The following CACNA2D3 variants were observed in gnomAD, a reference collection of about 807,000 sequenced individuals.
The protein encoded by CACNA2D3 is voltage-dependent calcium channel subunit alpha-2/delta-3.
In CACNA2D3, 60 loss-of-function variants were observed where a neutral mutation model predicts 160.6. The ratio of observed to expected loss-of-function variants is 0.37; its 90% CI spans 0.30 to 0.46. CACNA2D3 has a LOEUF of 0.46. CACNA2D3 is among the 20% of genes least tolerant of loss of function. CACNA2D3 has a pLI of 1.00. For missense variants in CACNA2D3, 1,205 were observed against 1,365.0 expected (o/e 0.88, Z 1.85); for synonymous variants, 558 against 492.9 (o/e 1.13, Z -1.75).
chr3:54,936,774 TTCA>T (rs1362134153), intron 27 of CACNA2D3, among the ~76,000 whole-genome samples: 2 of 152,144 alleles, frequency 1.3e-5, no homozygotes, highest in African/African-American at 2.4e-5. Context: ...CTGCTTAGCT[TTCA>T]TCATGAAGCA....
intron 11 of CACNA2D3, among the ~76,000 whole-genome samples, chr3:54,657,031 T>G (rs771697154): frequency 1.5e-4 from 22 of 142,572 alleles, no homozygotes; most frequent in Non-Finnish European, 7.5e-5. Flanking sequence ...GGCTGTTTTA[T>G]AGGATTTGGG....
chr3:54,407,237 G>A (rs1188975541), intron 4 of CACNA2D3, among the ~76,000 whole-genome samples: 1 of 152,130 alleles, frequency 6.6e-6, no homozygotes, highest in Non-Finnish European at 1.5e-5. Flanking sequence ...CCCAGAATCA[G>A]AATTGGTGTT....
At chr3:54,645,810 C>T (rs560605053) in intron 11 of CACNA2D3, among the ~76,000 whole-genome samples, 8 of 152,200 alleles carry the variant, frequency 5.3e-5, no homozygotes, top group African/African-American at 1.9e-4. Flanking sequence ...GTTTCTGGAC[C>T]TGTCTTTCAT....
chr3:54,934,394 G>A (rs1415648362), intron 27 of CACNA2D3, among the ~76,000 whole-genome samples: 1 of 124,438 alleles, frequency 8.0e-6, no homozygotes, highest in Non-Finnish European at 1.7e-5. Flanking sequence ...GGGAGGTTGT[G>A]TTCATCTCCT....
At chr3:54,383,832 A>G (rs1298546007) in intron 3 of CACNA2D3, among the ~76,000 whole-genome samples, 1 of 152,194 alleles carries the variant, frequency 6.6e-6, no homozygotes. Context: ...TTAATACAAT[A>G]TTATCAGATG....
intron 13 of CACNA2D3, among the ~76,000 whole-genome samples, chr3:54,813,415 A>G (rs1703375390): frequency 6.6e-6 from 1 of 152,198 alleles, no homozygotes; most frequent in South Asian, 2.1e-4. Context: ...ATGCATATCC[A>G]GGGGTCACTG....
In CACNA2D3 at chr3:54,245,225, A is replaced by T. The variant is rs577162585; in HGVS notation, c.205-75217A>T. On this transcript the variant is annotated intron_variant, in intron 2 of 37. Coordinates refer to ENST00000474759, the MANE Select transcript of CACNA2D3 (RefSeq NM_018398.3). ...AACACAGTCTTTTTATTTTTTTTTT[A>T]AAAAATTTAAATTTAATTTTAAGTT... Among the ~76,000 whole-genome samples the T allele has an allele frequency of 6.8e-4, 103 of 151,384 alleles. 1 individual carries two copies. The highest frequency in any genetic ancestry group is 1.4e-3 in the African/African-American group (57 of 40,950).
At position 54,904,190 on chromosome 3, in the gene CACNA2D3, C is replaced by T. The variant is rs547839215; in HGVS notation, c.2449+4322C>T. On this transcript the variant is annotated intron_variant, in intron 27 of 37. Transcript: ENST00000474759. The stretch of plus-strand genomic sequence containing the variant: ...GCAAAACCTATTTTGCCTTAACTTA[C>T]TTATTGTTGACTTGAGTTTTATAAA... Among the ~76,000 whole-genome samples the T allele has an allele frequency of 9.2e-5, 14 of 152,306 alleles. No individual in the cohort carries two copies. The South Asian group carries it at 2.5e-3, about 27-fold the overall frequency.
intron 27 of CACNA2D3, among the ~76,000 whole-genome samples, chr3:54,958,285 C>T (rs1178085174): frequency 1.3e-5 from 2 of 152,224 alleles, no homozygotes; most frequent in Non-Finnish European, 2.9e-5. Context: ...CCCAGCTACT[C>T]AGGAGGCTGA....
intron 31 of CACNA2D3, among the ~76,000 whole-genome samples, chr3:55,001,380 A>G (rs1484170309): frequency 6.6e-6 from 1 of 152,236 alleles, no homozygotes; most frequent in African/African-American, 2.4e-5. Context: ...CAATGAAAAG[A>G]TACCAATACT....
At chr3:54,792,822 A>AC (rs1267881089) in intron 13 of CACNA2D3, among the ~76,000 whole-genome samples, 1 of 152,020 alleles carries the variant, frequency 6.6e-6, no homozygotes, top group African/African-American at 2.4e-5. Flanking sequence ...TCGCGTGTCT[A>AC]CCCTTGGATT....
chr3:54,393,854 A>G (rs1699325659), intron 4 of CACNA2D3, among the ~76,000 whole-genome samples: 1 of 152,214 alleles, frequency 6.6e-6, no homozygotes, highest in Admixed American at 6.5e-5. Context: ...CTAGAACTGG[A>G]CTGTCCTTGC....
At chr3:55,021,287 C>T (rs1431602373) in intron 35 of CACNA2D3, among the ~76,000 whole-genome samples, 1 of 151,904 alleles carries the variant, frequency 6.6e-6, no homozygotes, top group Non-Finnish European at 1.5e-5. Flanking sequence ...GAGGTTATTG[C>T]AGGCATTGTT....
chr3:54,263,004 A>G (rs1002631305), intron 2 of CACNA2D3, among the ~76,000 whole-genome samples: 3 of 152,164 alleles, frequency 2.0e-5, no homozygotes, highest in Non-Finnish European at 4.4e-5. Context: ...GGTAGTCACT[A>G]TGATGGATTT....
intron 4 of CACNA2D3, among the ~76,000 whole-genome samples, chr3:54,501,365 A>T (rs1367827490): frequency 1.3e-5 from 2 of 152,040 alleles, no homozygotes; most frequent in East Asian, 3.9e-4. Flanking sequence ...TAAGAATAAC[A>T]AAATATTTTA....
intron 11 of CACNA2D3, among the ~76,000 whole-genome samples, chr3:54,676,830 G>C (rs1047633520): frequency 5.3e-5 from 8 of 152,136 alleles, no homozygotes; most frequent in African/African-American, 1.9e-4. Flanking sequence ...AGATTGGCCA[G>C]GGCTAAGAAT....
At chr3:55,003,060 C>G (rs1270751627) in intron 31 of CACNA2D3, among the ~76,000 whole-genome samples, 1 of 152,134 alleles carries the variant, frequency 6.6e-6, no homozygotes, top group Non-Finnish European at 1.5e-5. Context: ...GAAACAGAGC[C>G]AACACCAGTC....
At chr3:55,044,608 T>C (rs575841726) in intron 35 of CACNA2D3, among the ~76,000 whole-genome samples, 196 of 152,182 alleles carry the variant, frequency 1.3e-3, no homozygotes, top group Middle Eastern at 0.01. Flanking sequence ...TTCTTTTTTT[T>C]TCTCTCTCTC....
chr3:54,890,951 C>CTT (rs1195081958), intron 24 of CACNA2D3, among the ~76,000 whole-genome samples: 1 of 152,202 alleles, frequency 6.6e-6, no homozygotes, highest in Non-Finnish European at 1.5e-5. Context: ...CAAGAATAAA[C>CTT]TTGGTAGCTT....
Sources: allele counts gnomAD v4.1 joint callset (sites outside exome capture counted in the v4.1 genomes callset), GRCh38; gene constraint gnomAD v4.1.1; transcripts MANE v1.5; gene names NCBI Gene and HGNC (gene_info 2026-07-23, HGNC 2026-07-21).